Variants in ARL15 observed in about 807,000 individuals in gnomAD.
ARL15 encodes ADP-ribosylation factor-like protein 15.
In ARL15, 19 loss-of-function variants were observed where a neutral mutation model predicts 25.2. That is an observed-to-expected ratio of 0.75 (90% confidence interval 0.53 to 1.10). The LOEUF is 1.10. Ranked by LOEUF, ARL15 falls within the 50% of genes least tolerant of loss-of-function variation. The pLI, the probability that ARL15 is intolerant of heterozygous loss-of-function variation, is 0.00. For missense variants in ARL15, 220 were observed against 246.0 expected, an observed-to-expected ratio of 0.89 and a Z score of 0.71; for synonymous variants, 94 against 86.8, an observed-to-expected ratio of 1.08 and a Z score of -0.46.
At chr5:54,216,050 T>C (rs1461814552) in intron 1 of ARL15, among the ~76,000 whole-genome samples, 4 of 152,196 alleles carry the variant, frequency 2.6e-5, no homozygotes, top group Non-Finnish European at 4.4e-5. Flanking sequence ...CAATTTTTTT[T>C]GTCCACCCTC....
intron 4 of ARL15, among the ~76,000 whole-genome samples, chr5:53,913,087 G>A (rs2111985836): frequency 6.6e-6 from 1 of 152,222 alleles, no homozygotes; most frequent in South Asian, 2.1e-4. Flanking sequence ...GTCACTTGAG[G>A]CCGGACTTCA....
chr5:53,917,175 C>T (rs1745678112), intron 4 of ARL15, among the ~76,000 whole-genome samples: 1 of 152,132 alleles, frequency 6.6e-6, no homozygotes, highest in Non-Finnish European at 1.5e-5. Context: ...TGAGAAAAGC[C>T]TTTTAGGTCC....
intron 1 of ARL15, among the ~76,000 whole-genome samples, chr5:54,209,171 T>G (rs548702792): frequency 1.3e-5 from 2 of 151,466 alleles, no homozygotes; most frequent in South Asian, 4.2e-4. Flanking sequence ...AATGAAGGAG[T>G]AGGGGGAGGT....
At chr5:54,065,310 G>A (rs1003969324) in intron 4 of ARL15, among the ~76,000 whole-genome samples, 1 of 152,148 alleles carries the variant, frequency 6.6e-6, no homozygotes, top group South Asian at 2.1e-4. Context: ...AGCTATGCTA[G>A]CAAATATAAT....
chr5:54,168,676 C>T lies in ARL15; in HGVS notation c.193+3108G>A, dbSNP rs77252585. Among the ~76,000 whole-genome samples, 1,058 of 152,092 alleles carry T rather than the reference C, an allele frequency of 7.0e-3. 10 individuals are homozygous for T. The highest frequency in any genetic ancestry group is 0.025 in the African/African-American group (1,024 of 41,486). ...GACCACTAATCTTTCTCTGAATATA[C>T]CTATGCTTTCTATCCCTAACTCTCC... is the stretch of plus-strand genomic sequence containing the variant. On this transcript the variant is annotated intron_variant, in intron 2 of 4. Coordinates refer to ENST00000504924, the MANE Select transcript of ARL15 (RefSeq NM_019087.3).
rs557234658 is a variant in ARL15 at position 53,963,168 on chromosome 5, C to T, written c.463-76455G>A. Among the ~76,000 whole-genome samples the T allele has an allele frequency of 9.2e-5, 14 of 152,308 alleles. No homozygotes were observed. The South Asian group carries it at 1.9e-3, about 20-fold the overall frequency. ...GTAGATGTTTACTACCTAATTAGCACATTTATCCCCTTTCTCAAGTGAACA... is the reference window on the plus strand; with the variant it reads ...GTAGATGTTTACTACCTAATTAGCATATTTATCCCCTTTCTCAAGTGAACA... On this transcript the variant is annotated intron_variant, in intron 4 of 4. Transcript: ENST00000504924.
chr5:53,980,270 C>A (rs1015896978), intron 4 of ARL15, among the ~76,000 whole-genome samples: 7 of 152,216 alleles, frequency 4.6e-5, no homozygotes, highest in Non-Finnish European at 8.8e-5. Flanking sequence ...TAAGTAGCAT[C>A]AAAGCAGTGC....
At chr5:54,050,590 G>A (rs1750676264) in intron 4 of ARL15, among the ~76,000 whole-genome samples, 1 of 152,132 alleles carries the variant, frequency 6.6e-6, no homozygotes, top group South Asian at 2.1e-4. Flanking sequence ...AAGAAAATGT[G>A]GCCAGGGATA....
intron 4 of ARL15, among the ~76,000 whole-genome samples, chr5:54,073,560 TG>T (rs1455042855): frequency 6.6e-6 from 1 of 152,210 alleles, no homozygotes; most frequent in Non-Finnish European, 1.5e-5. Flanking sequence ...CTGGCTTACA[TG>T]GAGTAGTAAA....
At chr5:54,142,284 C>T (rs959222291) in intron 3 of ARL15, among the ~76,000 whole-genome samples, 1 of 151,960 alleles carries the variant, frequency 6.6e-6, no homozygotes, top group Admixed American at 6.6e-5. Flanking sequence ...ATTTGGATGA[C>T]AGGAGATGGA....
At chr5:54,016,101 C>T (rs901533047) in intron 4 of ARL15, among the ~76,000 whole-genome samples, 4 of 152,098 alleles carry the variant, frequency 2.6e-5, no homozygotes, top group African/African-American at 7.2e-5. Context: ...TTGTGGAACT[C>T]CTTTGCGGCT....
chr5:54,285,664 C>G (rs1393495754), intron 1 of ARL15, among the ~76,000 whole-genome samples: 1 of 152,100 alleles, frequency 6.6e-6, no homozygotes, highest in Non-Finnish European at 1.5e-5. Context: ...AACAGCCAAG[C>G]CAGTTCTTCA....
chr5:54,229,390 CTG>C (rs1189554851), intron 1 of ARL15, among the ~76,000 whole-genome samples: 2 of 152,124 alleles, frequency 1.3e-5, no homozygotes, highest in African/African-American at 4.8e-5. Flanking sequence ...GAAGGACACA[CTG>C]TAGAAATCCT....
intron 3 of ARL15, chr5:54,154,284 T>C (rs561553820): frequency 9.3e-5 from 23 of 246,450 alleles, no homozygotes; most frequent in Non-Finnish European, 1.5e-4. Flanking sequence ...ATTCTCTTCA[T>C]ATGTTTTATT....
At chr5:54,128,594 G>A (rs1753331740) in intron 3 of ARL15, among the ~76,000 whole-genome samples, 1 of 152,054 alleles carries the variant, frequency 6.6e-6, no homozygotes, top group Admixed American at 6.6e-5. Flanking sequence ...TGACTCATGA[G>A]CTCACAGTCT....
At chr5:53,948,987 C>T (rs527981349) in intron 4 of ARL15, among the ~76,000 whole-genome samples, 4 of 152,234 alleles carry the variant, frequency 2.6e-5, no homozygotes, top group Admixed American at 6.5e-5. Flanking sequence ...GCACTTTAGT[C>T]GTAAAGTTTT....
intron 4 of ARL15, among the ~76,000 whole-genome samples, chr5:53,919,208 C>A (rs1313747934): frequency 1.3e-5 from 2 of 152,166 alleles, no homozygotes; most frequent in Admixed American, 1.3e-4. Flanking sequence ...AATACTACAT[C>A]GTAAGTCTAC....
chr5:54,243,822 T>C (rs1343780206), intron 1 of ARL15, among the ~76,000 whole-genome samples: 2 of 152,218 alleles, frequency 1.3e-5, no homozygotes, highest in African/African-American at 2.4e-5. Flanking sequence ...TTTCTTAACA[T>C]TTGTCACAGA....
intron 2 of ARL15, among the ~76,000 whole-genome samples, chr5:54,156,878 C>T (rs573980748): frequency 5.9e-5 from 9 of 152,294 alleles, no homozygotes; most frequent in African/African-American, 2.2e-4. Flanking sequence ...GAAAGCCTCT[C>T]CAGGTGTCTG....
Sources: allele counts gnomAD v4.1 joint callset (sites outside exome capture counted in the v4.1 genomes callset), GRCh38; gene constraint gnomAD v4.1.1; transcripts MANE v1.5; gene names NCBI Gene and HGNC (gene_info 2026-07-23, HGNC 2026-07-21).